FBXL7: variants seen among roughly 807,000 people sequenced by gnomAD.
The protein encoded by FBXL7 is F-box and leucine rich repeat protein 7.
A neutral mutation model predicts 38.3 loss-of-function variants in FBXL7; 12 were observed. The ratio of observed to expected loss-of-function variants is 0.31; its 90% CI spans 0.20 to 0.51. The LOEUF (loss-of-function observed/expected upper bound fraction) is 0.51, where lower values mean the gene tolerates loss of function less well. Among genes scored for constraint, FBXL7 ranks in the 20% least tolerant of loss-of-function variants. FBXL7 has a pLI of 0.98. For synonymous variants in FBXL7, 297 were observed against 300.9 expected (o/e 0.99, Z 0.13); for missense variants, 567 against 676.4 (o/e 0.84, Z 1.79).
intron 2 of FBXL7, among the ~76,000 whole-genome samples, chr5:15,899,204 T>A (rs1159770447): frequency 6.6e-6 from 1 of 152,086 alleles, no homozygotes; most frequent in Non-Finnish European, 1.5e-5. Flanking sequence ...GTAGCTGGGA[T>A]TACAGGCATG....
intron 2 of FBXL7, among the ~76,000 whole-genome samples, chr5:15,836,550 A>G (rs1457877740): frequency 1.3e-5 from 2 of 151,566 alleles, no homozygotes; most frequent in Admixed American, 6.6e-5. Flanking sequence ...CCGTGTAGAT[A>G]TTTGTGATCA....
chr5:15,702,448 TG>T (rs1743556145), intron 2 of FBXL7, among the ~76,000 whole-genome samples: 2 of 152,190 alleles, frequency 1.3e-5, no homozygotes, highest in Non-Finnish European at 2.9e-5. Context: ...ATTGAGTGTC[TG>T]GGAGAACTAC....
chr5:15,889,174 C>T (rs1301398067), intron 2 of FBXL7, among the ~76,000 whole-genome samples: 1 of 152,100 alleles, frequency 6.6e-6, no homozygotes, highest in Non-Finnish European at 1.5e-5. Context: ...GGTATGTGGC[C>T]AGATCTTACC....
intron 1 of FBXL7, among the ~76,000 whole-genome samples, chr5:15,551,156 C>T (rs1188491509): frequency 6.6e-6 from 1 of 152,138 alleles, no homozygotes; most frequent in Non-Finnish European, 1.5e-5. Context: ...TACAACATGA[C>T]AAGGGCTTTA....
chr5:15,830,031 G>GT (rs1561142773), intron 2 of FBXL7, among the ~76,000 whole-genome samples: 2 of 152,116 alleles, frequency 1.3e-5, no homozygotes, highest in African/African-American at 4.8e-5. Context: ...CATTTAGCAC[G>GT]TTTTTTGCCC....
intron 2 of FBXL7, among the ~76,000 whole-genome samples, chr5:15,725,936 T>C (rs1184897189): frequency 6.6e-6 from 1 of 152,218 alleles, no homozygotes; most frequent in Non-Finnish European, 1.5e-5. Context: ...TCCTGTCTGG[T>C]TGTTTTATCC....
rs182443153 is a variant in FBXL7 at position 15,916,165 on chromosome 5, A to T, written c.128-11725A>T. On this transcript the variant is annotated intron_variant, in intron 2 of 3. Transcript: ENST00000504595. ...CTAGTTGTCCATAGAACTCCATGGAATCATTCTATGCCTGTGCTATGTAAA... is the reference window on the plus strand; with the variant it reads ...CTAGTTGTCCATAGAACTCCATGGATTCATTCTATGCCTGTGCTATGTAAA... 2.8e-3 allele frequency among the ~76,000 whole-genome samples: 420 copies of T among 152,290 alleles called. 3 individuals carry two copies. Among genetic ancestry groups the T allele is most frequent in the African/African-American group, 9.5e-3 (395 of 41,572 alleles).
intron 1 of FBXL7, among the ~76,000 whole-genome samples, chr5:15,611,624 T>G (rs2914762): frequency 0.14 from 21,850 of 152,070 alleles, 1,956 homozygotes; most frequent in East Asian, 0.46. Context: ...TCCCTTTGGG[T>G]CAGTGATTTG....
intron 1 of FBXL7, among the ~76,000 whole-genome samples, chr5:15,565,340 C>T (rs937295078): frequency 3.3e-5 from 5 of 152,032 alleles, no homozygotes; most frequent in Non-Finnish European, 7.4e-5. Context: ...TTCAGCCAAA[C>T]TAACTCATGG....
chr5:15,580,866 G>A, intron 1 of FBXL7: 7 of 957,016 alleles, frequency 7.3e-6, no homozygotes, highest in Non-Finnish European at 7.5e-6. Context: ...TTGATGCATG[G>A]CTGGAAGGGG....
intron 2 of FBXL7, among the ~76,000 whole-genome samples, chr5:15,852,523 A>G (rs1739127635): frequency 6.6e-6 from 1 of 152,174 alleles, no homozygotes; most frequent in Admixed American, 6.5e-5. Context: ...GGATGAATTT[A>G]TCAGGCATCC....
intron 2 of FBXL7, among the ~76,000 whole-genome samples, chr5:15,856,178 G>T (rs1278789498): frequency 2.0e-5 from 3 of 152,062 alleles, no homozygotes; most frequent in East Asian, 1.9e-4. Context: ...AAATGAAGAA[G>T]ATGCAAAAGC....
intron 2 of FBXL7, among the ~76,000 whole-genome samples, chr5:15,718,023 G>A (rs1443454267): frequency 6.6e-6 from 1 of 152,128 alleles, no homozygotes; most frequent in Non-Finnish European, 1.5e-5. Flanking sequence ...TAATTGATGG[G>A]ATGTGGGATA....
intron 2 of FBXL7, among the ~76,000 whole-genome samples, chr5:15,725,967 C>G (rs56130171): frequency 0.55 from 83,814 of 151,912 alleles, 23,256 homozygotes; most frequent in East Asian, 0.68. Flanking sequence ...GTAGGGTATT[C>G]AAGTCTGCAA....
At position 15,899,327 on chromosome 5, in the gene FBXL7, A is replaced by G. The variant is rs573509428; in HGVS notation, c.128-28563A>G. Among the ~76,000 whole-genome samples, 5 of 152,294 alleles carry G rather than the reference A, an allele frequency of 3.3e-5. No homozygotes were observed. In the South Asian group the frequency reaches 6.2e-4, roughly 19 times the overall value. On this transcript the variant is annotated intron_variant, in intron 2 of 3. Transcript: ENST00000504595. ...GTGATCCGCCTGCCTCGGCCTCCCAATGTGCTGGGATTAACAGGCGTGAGC... is the reference window on the plus strand; with the variant it reads ...GTGATCCGCCTGCCTCGGCCTCCCAGTGTGCTGGGATTAACAGGCGTGAGC...
chr5:15,783,926 G>A (rs1737067533), intron 2 of FBXL7, among the ~76,000 whole-genome samples: 1 of 152,294 alleles, frequency 6.6e-6, no homozygotes, highest in African/African-American at 2.4e-5. Flanking sequence ...TTTTGGCAAT[G>A]GGCCAGGTAA....
At chr5:15,576,133 A>C (rs938300916) in intron 1 of FBXL7, among the ~76,000 whole-genome samples, 6 of 116,718 alleles carry the variant, frequency 5.1e-5, no homozygotes, top group African/African-American at 1.7e-4. Context: ...CCCAGGCTGG[A>C]GTGCAATGGC....
intron 1 of FBXL7, among the ~76,000 whole-genome samples, chr5:15,547,803 TC>T (rs1385873508): frequency 6.6e-6 from 1 of 152,178 alleles, no homozygotes; most frequent in Non-Finnish European, 1.5e-5. Context: ...CCCCAGCACA[TC>T]CTACAGTTAT....
rs751597874 is a variant in FBXL7, at chr5:15,936,552, A to G, written c.842A>G (p.Asp281Gly). 6 of 1,613,272 alleles carry G rather than the reference A, an allele frequency of 3.7e-6. No homozygotes were observed. The South Asian group carries it at 6.6e-5, about 18-fold the overall frequency. ...TCCATCCGCTACCTGGACATGACGG[A>G]CTGCTTCGTGCTGGAGGACGAAGGC... is the stretch of plus-strand genomic sequence containing the variant. Reference protein sequence around the residue: ...QISIRYLDMTDCFVLEDEGLH... With the variant: ...QISIRYLDMTGCFVLEDEGLH... Residue 281 changes from aspartate to glycine, a missense_variant, in exon 4 of 4, where the codon GAC (aspartate) becomes GGC (glycine). By Grantham distance (94) the Asp-to-Gly change is moderately conservative (BLOSUM62 -1). Coordinates refer to ENST00000504595, the MANE Select transcript of FBXL7 (RefSeq NM_012304.5). This position sits in a 1 kb window ranked among gnomAD's most constrained non-coding sequence, Gnocchi z 6.0.
Sources: allele counts gnomAD v4.1 joint callset (sites outside exome capture counted in the v4.1 genomes callset), GRCh38; gene constraint gnomAD v4.1.1; non-coding constraint Gnocchi (gnomAD v3.1); transcripts MANE v1.5; gene names NCBI Gene and HGNC (gene_info 2026-07-23, HGNC 2026-07-21).